Variants in FARSA observed in about 807,000 individuals in gnomAD.
The protein encoded by FARSA is phenylalanine--tRNA ligase alpha subunit.
A neutral mutation model predicts 63.2 loss-of-function variants in FARSA; 37 were observed. That is an observed-to-expected ratio of 0.59 (90% CI 0.45 to 0.77). The LOEUF is 0.77. Ranked by LOEUF, FARSA falls within the 30% of genes least tolerant of loss-of-function variation. The pLI, the probability that FARSA is intolerant of heterozygous loss-of-function variation, is 0.00. For missense variants in FARSA, 618 were observed against 696.6 expected (o/e 0.89, Z 1.27); for synonymous variants, 312 against 285.1 (o/e 1.09, Z -0.95).
At position 12,930,294 on chromosome 19, in the gene FARSA, C is replaced by A. The variant is rs1327602695; in HGVS notation, c.432G>T (p.Arg144=). 3 of 1,614,144 alleles carry A rather than the reference C, an allele frequency of 1.9e-6. No individual in the cohort carries two copies. Among genetic ancestry groups the A allele is most frequent in the Admixed American group, 1.7e-5 (1 of 60,018 alleles). Residue 144 remains arginine, a synonymous_variant, in exon 4 of 13, where the codon CGG becomes CGT. Transcript: ENST00000314606. ...DEVQRRLQLV[R]GGQAEKLGEK... ...CCCCCAGCTTCTCAGCCTGTCCCCC[C>A]CGGACCAGCTGGAGCCGCCGCTGCA...
rs1275967951 is a variant in FARSA at position 12,933,604 on chromosome 19, G to A, written c.93C>T (p.Gly31=). The change falls in exon 1 of 13, where the codon GGC becomes GGT. Residue 31 remains glycine (G), a synonymous_variant. Transcript: ENST00000314606. ...LDSAELAAEL[G]MEHQAVVGAV... is the part of the protein sequence containing the mutation. ...CGCCCACCACCGCCTGGTGCTCCAT[G>A]CCCAGCTCAGCCGCCAACTCGGCGC... 2 of 1,554,742 alleles carry A rather than the reference G, an allele frequency of 1.3e-6. No individual in the cohort carries two copies. The highest frequency in any genetic ancestry group is 1.2e-5 in the South Asian group (1 of 85,232).
rs764856282 is a variant in FARSA at position 12,924,701 on chromosome 19, G to A, written c.1133C>T (p.Ala378Val). Reference sequence around the variant, plus strand: ...GTGGCCCAAGGTGAGACCATGATCCGCCACCACGCCCTCGATCTGGTGGAA... The same window carrying A: ...GTGGCCCAAGGTGAGACCATGATCCACCACCACGCCCTCGATCTGGTGGAA... ...AEFHQIEGVV[A>V]DHGLTLGHLM... Residue 378 changes from alanine (A) to valine (V), a missense_variant, in exon 10 of 13, where the codon GCG becomes GTG. Physicochemically the swap from Ala to Val is moderately conservative, Grantham distance 64. Coordinates refer to ENST00000314606, the MANE Select transcript of FARSA (RefSeq NM_004461.3). The surrounding 1 kb of genome is among the most constrained non-coding windows in gnomAD (Gnocchi z 6.4). 1.9e-6 allele frequency: 3 copies of A among 1,593,286 alleles called. No homozygotes were observed. The highest frequency in any genetic ancestry group is 2.6e-6 in the Non-Finnish European group (3 of 1,166,890).
chr19:12,924,888 C>G lies in FARSA; in HGVS notation c.1026+16G>C. 1 of 1,614,056 alleles carries G rather than the reference C, an allele frequency of 6.2e-7. No individual in the cohort carries two copies. The highest frequency in any genetic ancestry group is 8.5e-7 in the Non-Finnish European group (1 of 1,180,020). ...CACCCTCTCCCCACTGGGGCCCCCG[C>G]CTGGGCCAACCGCACCTTCTGGGCA... On this transcript the variant is annotated intron_variant, in intron 9 of 12. Transcript: ENST00000314606. The surrounding 1 kb of genome is among the most constrained non-coding windows in gnomAD (Gnocchi z 6.4).
In FARSA at chr19:12,924,403, T is replaced by C. The variant is rs549511790; in HGVS notation, c.1273+46A>G. 6.3e-7 allele frequency: 1 copy of C among 1,599,222 alleles called. No individual in the cohort carries two copies. Among genetic ancestry groups the C allele is most frequent in the South Asian group, 1.1e-5 (1 of 90,818 alleles). On this transcript the variant is annotated intron_variant, in intron 11 of 12. Coordinates refer to ENST00000314606, the MANE Select transcript of FARSA (RefSeq NM_004461.3). This position sits in a 1 kb window ranked among gnomAD's most constrained non-coding sequence, Gnocchi z 6.4. ...TGGGGGGACCCAGGCCAAACCATAG[T>C]AGCCTGAGACCTCCCTCCCACCCCA...
intron 6 of FARSA, 21 bp downstream of exon 6, chr19:12,928,514 C>G (rs1212972003): frequency 6.2e-7 from 1 of 1,613,694 alleles, no homozygotes; most frequent in Admixed American, 1.7e-5. Context: ...CACCAGGCAC[C>G]GCCCCCAGCC....
chr19:12,928,096 T>C (rs1480083830), intron 7 of FARSA, among the ~76,000 whole-genome samples: 7 of 147,262 alleles, frequency 4.8e-5, no homozygotes, highest in Non-Finnish European at 1.5e-5. Flanking sequence ...CCAACAAGGA[T>C]GGACTTTAAT....
intron 4 of FARSA, among the ~76,000 whole-genome samples, chr19:12,929,513 T>C (rs983852116): frequency 6.6e-6 from 1 of 152,164 alleles, no homozygotes; most frequent in Non-Finnish European, 1.5e-5. Context: ...GGCCCCTTTT[T>C]CTTTGAGATG....
chr19:12,925,195 T>A, intron 7 of FARSA, 21 bp from the exon 8 acceptor site: 5 of 1,556,778 alleles, frequency 3.2e-6, no homozygotes, highest in Non-Finnish European at 4.3e-6. Flanking sequence ...CAGAGCAACA[T>A]CAGGTCAGTC....
chr19:12,933,612 C>G lies in FARSA; in HGVS notation c.85G>C (p.Glu29Gln), dbSNP rs1209985194. The stretch of plus-strand genomic sequence containing the variant: ...ACCGCCTGGTGCTCCATGCCCAGCT[C>G]AGCCGCCAACTCGGCGCTGTCCAGG... ...GGLDSAELAA[E>Q]LGMEHQAVVG... Residue 29 changes from glutamate (E) to glutamine (Q), a missense_variant, in exon 1 of 13, where the codon GAG becomes CAG. By Grantham distance (29) the Glu-to-Gln change is conservative. Transcript: ENST00000314606. The G allele has an allele frequency of 1.9e-6, 3 of 1,556,796 alleles. No individual in the cohort carries two copies. The highest frequency in any genetic ancestry group is 2.6e-6 in the Non-Finnish European group (3 of 1,155,258).
Position 12,930,268 on chromosome 19 carries a change from T to TC in FARSA, c.457dup (p.Glu153GlyfsTer15). 6.2e-7 allele frequency: 1 copy of TC among 1,613,800 alleles called. No homozygotes were observed. The highest frequency in any genetic ancestry group is 8.5e-7 in the Non-Finnish European group (1 of 1,179,936). ...CTTCCTCAGCTCGCTCCTCTCCTTC[T>TC]CCCCCAGCTTCTCAGCCTGTCCCCC... is the stretch of plus-strand genomic sequence containing the variant. On this transcript the variant is annotated frameshift_variant, in exon 4 of 13. Transcript: ENST00000314606. LOFTEE classifies it high-confidence loss of function.
chr19:12,923,043 C>T (rs1971282429), intron 12 of FARSA, among the ~76,000 whole-genome samples, 157 bp from the exon 13 acceptor site: 1 of 152,120 alleles, frequency 6.6e-6, no homozygotes, highest in Non-Finnish European at 1.5e-5. Flanking sequence ...CACCCTCCGC[C>T]TTCAGCCACA....
At position 12,928,616 on chromosome 19, in the gene FARSA, T is replaced by C. The variant is rs757323578; in HGVS notation, c.644A>G (p.His215Arg). Residue 215 changes from histidine to arginine, a missense_variant, in exon 6 of 13, where the codon CAC becomes CGC. Coordinates refer to ENST00000314606, the MANE Select transcript of FARSA (RefSeq NM_004461.3). The stretch of plus-strand genomic sequence containing the variant: ...GTGGCCGCTGTCGGGGAGGACACCG[T>C]GGGCCAAGAAGTTGTAGGGCTTGAA... ...RPFKPYNFLA[H>R]GVLPDSGHLH... 2 of 1,611,564 alleles carry C rather than the reference T, an allele frequency of 1.2e-6. No individual in the cohort carries two copies. The highest frequency in any genetic ancestry group is 1.3e-5 in the African/African-American group (1 of 74,822).
At chr19:12,928,009 G>A (rs1432062606) in intron 7 of FARSA, among the ~76,000 whole-genome samples, 2 of 110,282 alleles carry the variant, frequency 1.8e-5, no homozygotes, top group East Asian at 6.5e-4. Flanking sequence ...GGGCGACAGA[G>A]TGAGACCCTG....
chr19:12,925,208 C>T (rs766076480), intron 7 of FARSA, 34 bp from the exon 8 acceptor site: 11 of 1,510,868 alleles, frequency 7.3e-6, no homozygotes, highest in Admixed American at 2.1e-5. Flanking sequence ...GGTCAGTCAA[C>T]GAGCATTTCC....
intron 12 of FARSA, among the ~76,000 whole-genome samples, chr19:12,923,621 A>G (rs1220515725): frequency 6.6e-6 from 1 of 152,206 alleles, no homozygotes; most frequent in Non-Finnish European, 1.5e-5. Context: ...CTGGGATTAC[A>G]GGCACCTGCT....
intron 7 of FARSA, among the ~76,000 whole-genome samples, chr19:12,926,324 T>G (rs1174655839): frequency 1.3e-5 from 2 of 148,190 alleles, no homozygotes; most frequent in Admixed American, 6.9e-5. Context: ...CAGGCTGGAG[T>G]GCAGTGGCAT....
chr19:12,924,378 T>C lies in FARSA; in HGVS notation c.1273+71A>G, dbSNP rs1330237947. 4 of 1,560,608 alleles carry C rather than the reference T, an allele frequency of 2.6e-6. No individual in the cohort carries two copies. The highest frequency in any genetic ancestry group is 1.7e-5 in the Admixed American group (1 of 59,860). On this transcript the variant is annotated intron_variant, in intron 11 of 12. Transcript: ENST00000314606. This position sits in a 1 kb window ranked among gnomAD's most constrained non-coding sequence, Gnocchi z 6.4. The stretch of plus-strand genomic sequence containing the variant: ...GGGAGGTGGGGTACAGGCATGGCAA[T>C]GGGGGGACCCAGGCCAAACCATAGT...
chr19:12,925,244 G>A, intron 7 of FARSA, 70 bp from the exon 8 acceptor site: 1 of 1,324,754 alleles, frequency 7.5e-7, no homozygotes, highest in Non-Finnish European at 1.1e-6. Context: ...TTCAGACAGG[G>A]TCTCACTGTT....
intron 7 of FARSA, 50 bp downstream of exon 7, chr19:12,928,292 C>G (rs754463538): frequency 1.4e-6 from 2 of 1,464,372 alleles, no homozygotes; most frequent in Non-Finnish European, 1.9e-6. Context: ...AAGGCTCCGC[C>G]GTGGCCTGGT....
Sources: allele counts gnomAD v4.1 joint callset (sites outside exome capture counted in the v4.1 genomes callset), GRCh38; gene constraint gnomAD v4.1.1; non-coding constraint Gnocchi (gnomAD v3.1); transcripts MANE v1.5; gene names NCBI Gene and HGNC (gene_info 2026-07-23, HGNC 2026-07-21).